Variants in SPPL2A observed in about 807,000 individuals in gnomAD.
SPPL2A encodes signal peptide peptidase-like 2A.
SPPL2A carries 51 observed loss-of-function variants against 63.8 expected under a neutral mutation model. That is an observed-to-expected ratio of 0.80 (90% CI 0.64 to 1.01). The LOEUF (loss-of-function observed/expected upper bound fraction) is 1.01. Among genes scored for constraint, SPPL2A ranks in the 50% least tolerant of loss-of-function variants. The probability of loss-of-function intolerance (pLI) is 0.00; values close to 1 mark genes in which losing one functional copy is unlikely to be tolerated. For synonymous variants in SPPL2A, 188 were observed against 205.8 expected (o/e 0.91, Z 0.74); for missense variants, 553 against 622.7 (o/e 0.89, Z 1.19).
At chr15:50,759,328 C>T (rs1419307191) in intron 1 of SPPL2A, among the ~76,000 whole-genome samples, 2 of 152,096 alleles carry the variant, frequency 1.3e-5, no homozygotes, top group Admixed American at 6.6e-5. Context: ...CACCTGTAAT[C>T]CTAGCATTTT....
chr15:50,749,026 C>T (rs1430342687), intron 2 of SPPL2A, among the ~76,000 whole-genome samples, 156 bp from the exon 3 acceptor site: 1 of 152,142 alleles, frequency 6.6e-6, no homozygotes, highest in African/African-American at 2.4e-5. Context: ...TTAAAATTCC[C>T]TATTTTCCCA....
chr15:50,718,014 C>T (rs2062611900), intron 14 of SPPL2A, among the ~76,000 whole-genome samples: 2 of 149,436 alleles, frequency 1.3e-5, no homozygotes, highest in South Asian at 2.1e-4. Context: ...CTCTGTCCCC[C>T]AGGCTGGAGT....
chr15:50,763,294 G>C (rs2063028143), intron 1 of SPPL2A, among the ~76,000 whole-genome samples: 2 of 152,002 alleles, frequency 1.3e-5, no homozygotes, highest in Admixed American at 6.6e-5. Context: ...GAACACGAAA[G>C]GAATGAGAAA....
intron 11 of SPPL2A, 58 bp downstream of exon 11, chr15:50,726,263 T>C: frequency 6.4e-7 from 1 of 1,567,724 alleles, no homozygotes; most frequent in Non-Finnish European, 8.8e-7. Flanking sequence ...AGGCAAATTA[T>C]TAACCGGATA....
intron 8 of SPPL2A, among the ~76,000 whole-genome samples, chr15:50,735,089 G>C (rs1275752162): frequency 6.6e-6 from 1 of 151,416 alleles, no homozygotes; most frequent in Non-Finnish European, 1.5e-5. Context: ...TTTTTAAGTA[G>C]AGACGAGGCT....
chr15:50,744,474 A>G (rs2062843440), intron 5 of SPPL2A, among the ~76,000 whole-genome samples: 1 of 152,216 alleles, frequency 6.6e-6, no homozygotes, highest in African/African-American at 2.4e-5. Context: ...TGCCCTTCAT[A>G]CATGAAATAA....
chr15:50,702,501 T>A lies in SPPL2A; in HGVS notation c.*5299A>T, dbSNP rs1280138500. ...AGAAATTCCACACTCAAACCAATTA[T>A]CTGAGAAGTAAAAATTCAATCATGT... On this transcript the variant is annotated 3_prime_UTR_variant, in exon 15 of 15. Coordinates refer to ENST00000261854, the MANE Select transcript of SPPL2A (RefSeq NM_032802.4). 1.3e-5 allele frequency: 2 copies of A among 152,164 alleles called. No individual in the cohort carries two copies. The highest frequency in any genetic ancestry group is 2.9e-5 in the Non-Finnish European group (2 of 68,022). 9.4% of individuals were successfully genotyped at this position (152,164 alleles called of 1,614,324 possible). A position where few individuals can be genotyped will look rare whatever the true frequency, so the allele number is the denominator to read the frequency against.
intron 12 of SPPL2A, among the ~76,000 whole-genome samples, chr15:50,724,153 A>C (rs1413361185): frequency 3.9e-5 from 6 of 152,196 alleles, no homozygotes; most frequent in Non-Finnish European, 8.8e-5. Flanking sequence ...TAACATGTCA[A>C]CTTGCAAGGC....
chr15:50,751,341 G>C lies in SPPL2A; in HGVS notation c.67-1595C>G, dbSNP rs566888175. 5.3e-5 allele frequency among the ~76,000 whole-genome samples: 8 copies of C among 152,172 alleles called. No homozygotes were observed. The South Asian group carries it at 6.2e-4, about 12-fold the overall frequency. Reference sequence around the variant, plus strand: ...CAATGTCACTGTTTTTACAAACAAGGGCTCTGAGACTCAGACAAGTCACTA... The same window carrying C: ...CAATGTCACTGTTTTTACAAACAAGCGCTCTGAGACTCAGACAAGTCACTA... On this transcript the variant is annotated intron_variant, in intron 1 of 14. Coordinates refer to ENST00000261854, the MANE Select transcript of SPPL2A (RefSeq NM_032802.4).
chr15:50,765,426 G>A, intron 1 of SPPL2A, 42 bp downstream of exon 1: 1 of 1,456,728 alleles, frequency 6.9e-7, no homozygotes, highest in Middle Eastern at 2.4e-4. Context: ...CCCCGGCCCC[G>A]CCCAGCCCCT....
At chr15:50,761,656 C>T (rs1375194245) in intron 1 of SPPL2A, among the ~76,000 whole-genome samples, 1 of 151,986 alleles carries the variant, frequency 6.6e-6, no homozygotes, top group Non-Finnish European at 1.5e-5. Context: ...AGAGCCAGGG[C>T]CAAGAGCGGT....
At chr15:50,732,720 A>G (rs2062740377) in intron 8 of SPPL2A, 36 bp from the exon 9 acceptor site, 1 of 1,248,414 alleles carries the variant, frequency 8.0e-7, no homozygotes, top group Admixed American at 1.8e-5. Flanking sequence ...TGCTTTATCA[A>G]TGTTTAGATG....
At chr15:50,734,599 T>C (rs1030016848) in intron 8 of SPPL2A, among the ~76,000 whole-genome samples, 4 of 152,092 alleles carry the variant, frequency 2.6e-5, no homozygotes, top group Admixed American at 1.3e-4. Flanking sequence ...ATAAATAAGA[T>C]CTAGTGTTTG....
At chr15:50,712,739 A>C (rs1244488335) in intron 14 of SPPL2A, among the ~76,000 whole-genome samples, 1 of 124,200 alleles carries the variant, frequency 8.1e-6, no homozygotes, top group African/African-American at 3.1e-5. Context: ...GAGTGCAGTG[A>C]TGCGATCTCG....
chr15:50,755,019 A>C (rs528247604), intron 1 of SPPL2A, among the ~76,000 whole-genome samples: 1 of 146,748 alleles, frequency 6.8e-6, no homozygotes, highest in African/African-American at 2.5e-5. Context: ...AAACAACAAC[A>C]AAAAAAACGC....
intron 6 of SPPL2A, among the ~76,000 whole-genome samples, chr15:50,738,841 G>C (rs2141042467): frequency 6.6e-6 from 1 of 152,252 alleles, no homozygotes; most frequent in Admixed American, 6.5e-5. Flanking sequence ...AAAAGAACTA[G>C]TTACTTTCTA....
intron 4 of SPPL2A, 23 bp downstream of exon 4, chr15:50,748,086 TTATC>T (rs2062873532): frequency 1.1e-6 from 1 of 899,224 alleles, no homozygotes; most frequent in Non-Finnish European, 1.6e-6. Flanking sequence ...TTTATAAACT[TTATC>T]TAATATGTAA....
At chr15:50,727,986 AAAAG>A (rs2062699495) in intron 10 of SPPL2A, among the ~76,000 whole-genome samples, 1 of 152,224 alleles carries the variant, frequency 6.6e-6, no homozygotes. Flanking sequence ...TCTTAAGCAC[AAAAG>A]AAAGAAGGCT....
At chr15:50,761,870 T>G (rs2063014367) in intron 1 of SPPL2A, among the ~76,000 whole-genome samples, 1 of 151,760 alleles carries the variant, frequency 6.6e-6, no homozygotes, top group Non-Finnish European at 1.5e-5. Flanking sequence ...AGGCAGAGGT[T>G]GCAGTGAGCC....
Sources: gnomAD v4.1 joint callset for allele counts (sites outside exome capture counted in the v4.1 genomes callset) on GRCh38, gnomAD v4.1.1 for gene constraint, MANE v1.5 for transcripts, NCBI Gene and HGNC (gene_info 2026-07-23, HGNC 2026-07-21) for gene names.